SCLT1: variants seen among roughly 807,000 people sequenced by gnomAD.
The protein encoded by SCLT1 is sodium channel-associated protein 1.
A neutral mutation model predicts 112.8 loss-of-function variants in SCLT1; 78 were observed. That is an observed-to-expected ratio of 0.69 (90% confidence interval 0.58 to 0.83). SCLT1 has a LOEUF of 0.83. SCLT1 is among the 40% of genes least tolerant of loss of function. The pLI, the probability that SCLT1 is intolerant of heterozygous loss-of-function variation, is 0.00. For missense variants in SCLT1, 747 were observed against 770.4 expected, an observed-to-expected ratio of 0.97 and a Z score of 0.36; for synonymous variants, 257 against 254.7, an observed-to-expected ratio of 1.01 and a Z score of -0.09.
At chr4:129,008,403 T>C (rs948967761) in intron 5 of SCLT1, among the ~76,000 whole-genome samples, 2 of 152,228 alleles carry the variant, frequency 1.3e-5, no homozygotes, top group African/African-American at 2.4e-5. Flanking sequence ...ATCTTACTGC[T>C]ATTCCTTTGA....
chr4:128,973,778 A>T (rs906569245), intron 9 of SCLT1, among the ~76,000 whole-genome samples: 4 of 152,342 alleles, frequency 2.6e-5, no homozygotes, highest in African/African-American at 9.6e-5. Flanking sequence ...AAACATTCAT[A>T]TTATATTATG....
chr4:129,026,436 G>A (rs954195802), intron 5 of SCLT1, among the ~76,000 whole-genome samples: 111 of 152,070 alleles, frequency 7.3e-4, no homozygotes, highest in Non-Finnish European at 1.3e-3. Flanking sequence ...TGAACAACCT[G>A]CTCCTGAATG....
At chr4:129,049,706 T>C (rs74885496) in intron 2 of SCLT1, among the ~76,000 whole-genome samples, 3 of 152,008 alleles carry the variant, frequency 2.0e-5, no homozygotes, top group South Asian at 4.1e-4. Context: ...CTTTTTTTTT[T>C]ATTTGCAGTT....
At chr4:129,054,156 A>G (rs1749126378) in intron 2 of SCLT1, among the ~76,000 whole-genome samples, 1 of 152,094 alleles carries the variant, frequency 6.6e-6, no homozygotes, top group Admixed American at 6.5e-5. Flanking sequence ...GGGTAACCCG[A>G]CTTTTCTCTC....
intron 1 of SCLT1, among the ~76,000 whole-genome samples, chr4:129,082,981 C>G (rs1280935929): frequency 6.6e-6 from 1 of 151,824 alleles, no homozygotes; most frequent in Non-Finnish European, 1.5e-5. Context: ...CACTTGAGGT[C>G]GGGAGTTCGA....
chr4:129,087,726 C>T (rs1579979504), intron 1 of SCLT1, among the ~76,000 whole-genome samples: 1 of 147,482 alleles, frequency 6.8e-6, no homozygotes, highest in Non-Finnish European at 1.5e-5. Flanking sequence ...TAACTCCAGC[C>T]TGGGTGACAG....
intron 18 of SCLT1, among the ~76,000 whole-genome samples, chr4:128,934,823 G>C (rs1329489714): frequency 6.6e-6 from 1 of 151,664 alleles, no homozygotes; most frequent in African/African-American, 2.4e-5. Context: ...TTAGTGCACT[G>C]ATTAGGACTC....
chr4:129,058,936 A>C (rs1424135889), intron 2 of SCLT1, among the ~76,000 whole-genome samples: 2 of 152,068 alleles, frequency 1.3e-5, no homozygotes, highest in African/African-American at 4.8e-5. Context: ...TGTTGGGTGT[A>C]TATATATTTA....
intron 5 of SCLT1, among the ~76,000 whole-genome samples, chr4:129,014,638 C>T (rs1172981438): frequency 1.3e-5 from 2 of 152,180 alleles, no homozygotes; most frequent in Non-Finnish European, 1.5e-5. Context: ...TGTATTGGGC[C>T]CTGACATTGT....
chr4:128,927,313 A>G (rs1482087149), intron 18 of SCLT1, among the ~76,000 whole-genome samples: 4 of 152,074 alleles, frequency 2.6e-5, no homozygotes, highest in Non-Finnish European at 5.9e-5. Flanking sequence ...AATTACTCCT[A>G]TAATCTCAGC....
intron 20 of SCLT1, among the ~76,000 whole-genome samples, chr4:128,885,461 T>G (rs1732822213): frequency 2.0e-5 from 3 of 152,204 alleles, no homozygotes; most frequent in Admixed American, 6.5e-5. Context: ...CATCTTGTGT[T>G]TTTCTTCTAA....
In SCLT1 at chr4:128,952,789, C is replaced by G; in HGVS notation, c.1198G>C (p.Glu400Gln). Residue 400 changes from glutamate to glutamine, a missense_variant, in exon 14 of 21, where the codon GAA (glutamate) becomes CAA (glutamine). Glu to Gln is a conservative substitution (Grantham distance 29). This residue lies in a region of SCLT1 where 723 missense variants were observed against 721.3 expected (regional missense o/e 1.00). Coordinates refer to ENST00000281142, the MANE Select transcript of SCLT1 (RefSeq NM_144643.4). ...CNIQISRLTEELSALQMECAE... is the reference protein window; with the variant it reads ...CNIQISRLTEQLSALQMECAE... ...CATACCATTTGAAGGGCTGAAAGTTCTTCTGTTAATCGAGAAATTTGTATA... is the reference window on the plus strand; with the variant it reads ...CATACCATTTGAAGGGCTGAAAGTTGTTCTGTTAATCGAGAAATTTGTATA... The G allele has an allele frequency of 1.3e-6, 2 of 1,565,134 alleles. No homozygotes were observed. Among genetic ancestry groups the G allele is most frequent in the Non-Finnish European group, 1.8e-6 (2 of 1,135,606 alleles).
At chr4:129,087,755 T>TTA (rs1752516549) in intron 1 of SCLT1, among the ~76,000 whole-genome samples, 1 of 104,464 alleles carries the variant, frequency 9.6e-6, no homozygotes, top group Non-Finnish European at 1.8e-5. Flanking sequence ...TTGCGCAAGT[T>TTA]AAAAAAAAAA....
At chr4:129,048,058 C>A in intron 2 of SCLT1, among the ~76,000 whole-genome samples, 1 of 151,964 alleles carries the variant, frequency 6.6e-6, no homozygotes, top group East Asian at 1.9e-4. Context: ...AAACCTTTAC[C>A]CAGAAAAATG....
intron 2 of SCLT1, among the ~76,000 whole-genome samples, chr4:129,061,502 T>C (rs925918449): frequency 1.3e-5 from 2 of 152,138 alleles, no homozygotes; most frequent in Admixed American, 6.5e-5. Flanking sequence ...AGATCAATCC[T>C]GGGGACAATG....
chr4:129,021,744 G>A lies in SCLT1; in HGVS notation c.290+17297C>T, dbSNP rs541649476. ...GGGCACAGCTTCAGCAGATTTAATC[G>A]TTCCTGCCTGCCGGTTGTGAAGAAA... On this transcript the variant is annotated intron_variant, in intron 5 of 20. Coordinates refer to ENST00000281142, the MANE Select transcript of SCLT1 (RefSeq NM_144643.4). Among the ~76,000 whole-genome samples the A allele has an allele frequency of 5.3e-5, 8 of 152,294 alleles. No homozygotes were observed. The South Asian group carries it at 1.4e-3, about 28-fold the overall frequency.
chr4:128,917,770 G>C (rs866310115), intron 18 of SCLT1, among the ~76,000 whole-genome samples: 1 of 152,154 alleles, frequency 6.6e-6, no homozygotes, highest in Non-Finnish European at 1.5e-5. Context: ...GAATCTTGGA[G>C]CACCAATACT....
At chr4:128,903,193 G>A (rs1734453986) in intron 18 of SCLT1, among the ~76,000 whole-genome samples, 1 of 152,134 alleles carries the variant, frequency 6.6e-6, no homozygotes, top group Non-Finnish European at 1.5e-5. Flanking sequence ...ATACATAATT[G>A]CATATGCTAT....
chr4:128,902,361 A>C (rs1055535450), intron 18 of SCLT1, among the ~76,000 whole-genome samples: 1 of 152,218 alleles, frequency 6.6e-6, no homozygotes, highest in Non-Finnish European at 1.5e-5. Context: ...AGTTTGCTAC[A>C]CAAACCTAGA....
Sources: gnomAD v4.1 joint callset for allele counts (sites outside exome capture counted in the v4.1 genomes callset) on GRCh38, gnomAD v4.1.1 for gene constraint, gnomAD v4.1.1 regional missense constraint, MANE v1.5 for transcripts, NCBI Gene and HGNC (gene_info 2026-07-23, HGNC 2026-07-21) for gene names.